The following FOXRED2 variants were observed in gnomAD, a reference collection of about 807,000 sequenced individuals.
FOXRED2 encodes the protein FAD-dependent oxidoreductase domain-containing protein 2.
A neutral mutation model predicts 52.5 loss-of-function variants in FOXRED2; 32 were observed. The observed-to-expected ratio is 0.61, with a 90% CI of 0.46 to 0.82. The LOEUF (loss-of-function observed/expected upper bound fraction) is 0.82. FOXRED2 is among the 40% of genes least tolerant of loss of function. The probability of loss-of-function intolerance (pLI) is 0.00; values close to 1 mark genes in which losing one functional copy is unlikely to be tolerated. For missense variants in FOXRED2, 848 were observed against 937.5 expected (o/e 0.90, Z 1.25); for synonymous variants, 405 against 398.1 (o/e 1.02, Z -0.21).
intron 2 of FOXRED2, 62 bp downstream of exon 2, chr22:36,505,834 G>A: frequency 6.5e-7 from 1 of 1,541,474 alleles, no homozygotes; most frequent in Non-Finnish European, 8.9e-7. Context: ...GGCCAATCAA[G>A]GTGTGTGGTT....
chr22:36,498,748 T>C (rs981407220), intron 5 of FOXRED2, among the ~76,000 whole-genome samples: 2 of 152,140 alleles, frequency 1.3e-5, no homozygotes, highest in African/African-American at 4.8e-5. Context: ...TCTCGCTCTG[T>C]TGCCCAGGCT....
intron 8 of FOXRED2, among the ~76,000 whole-genome samples, chr22:36,492,188 C>G (rs1933774230): frequency 6.6e-6 from 1 of 152,186 alleles, no homozygotes; most frequent in Non-Finnish European, 1.5e-5. Flanking sequence ...AGCGGGAAGA[C>G]TGGGAGGGCA....
At chr22:36,495,500 G>A (rs1933872746) in intron 7 of FOXRED2, among the ~76,000 whole-genome samples, 1 of 152,220 alleles carries the variant, frequency 6.6e-6, no homozygotes, top group Admixed American at 6.5e-5. Context: ...CTACAAGAAA[G>A]GTACTGTTGT....
At chr22:36,493,186 T>C (rs1327334009) in intron 8 of FOXRED2, among the ~76,000 whole-genome samples, 2 of 152,222 alleles carry the variant, frequency 1.3e-5, no homozygotes, top group African/African-American at 4.8e-5. Flanking sequence ...CTCACACTTG[T>C]AATCCCAACA....
Position 36,505,879 on chromosome 22 carries a change from T to C in FOXRED2, c.527+17A>G. The C allele has an allele frequency of 6.2e-7, 1 of 1,600,874 alleles. No homozygotes were observed. The highest frequency in any genetic ancestry group is 1.3e-5 in the African/African-American group (1 of 74,712). ...AAGGTCCCAGCTTCCGCAGGTGAGC[T>C]CTGGCACCGGCCTTACCTGCACTGA... On this transcript the variant is annotated intron_variant, in intron 2 of 8. Coordinates refer to ENST00000397224, the MANE Select transcript of FOXRED2 (RefSeq NM_001102371.2).
At chr22:36,496,434 G>C (rs62229992) in intron 6 of FOXRED2, among the ~76,000 whole-genome samples, 14,544 of 152,252 alleles carry the variant, frequency 0.096, 745 homozygotes, top group East Asian at 0.11. Flanking sequence ...TGGGGAAAGA[G>C]TGTCCCAGGC....
intron 4 of FOXRED2, among the ~76,000 whole-genome samples, chr22:36,501,760 C>G (rs981130344): frequency 6.6e-6 from 1 of 152,164 alleles, no homozygotes; most frequent in African/African-American, 2.4e-5. Context: ...TGCACCCAGC[C>G]AGGAGGCACT....
chr22:36,498,429 C>T, intron 5 of FOXRED2: 1 of 392,550 alleles, frequency 2.5e-6, no homozygotes, highest in Non-Finnish European at 4.6e-6. Flanking sequence ...CAATTCTGCC[C>T]CTAGTGTAAA....
At chr22:36,506,822 G>T in intron 1 of FOXRED2, 187 bp downstream of exon 1, 1 of 173,276 alleles carries the variant, frequency 5.8e-6, no homozygotes, top group Non-Finnish European at 1.2e-5. Context: ...GTGGGAGCCT[G>T]AAGTGGGTGT....
Position 36,504,112 on chromosome 22 carries a change from G to A in FOXRED2, c.1035C>T (p.Phe345=), listed in dbSNP as rs1228191996. 2 of 1,613,988 alleles carry A rather than the reference G, an allele frequency of 1.2e-6. No homozygotes were observed. The highest frequency in any genetic ancestry group is 2.7e-5 in the African/African-American group (2 of 74,940). ...ATGGAACTCACTTATTGAAAATGGA[G>A]AAGTCAAAGTTCCAGCCCAGGCAGC... ...VIRCLGWNFD[F]SIFNKSLRLN... The change falls in exon 4 of 9, where the codon TTC becomes TTT. Residue 345 remains phenylalanine (F), a synonymous_variant. Coordinates refer to ENST00000397224, the MANE Select transcript of FOXRED2 (RefSeq NM_001102371.2).
At chr22:36,495,463 C>T (rs1249228943) in intron 7 of FOXRED2, among the ~76,000 whole-genome samples, 2 of 152,210 alleles carry the variant, frequency 1.3e-5, no homozygotes, top group Non-Finnish European at 2.9e-5. Context: ...ATTCTGTGTA[C>T]ACTGTCAGGT....
At chr22:36,501,195 G>C (rs764790102) in intron 5 of FOXRED2, 46 bp downstream of exon 5, 7 of 1,595,358 alleles carry the variant, frequency 4.4e-6, no homozygotes, top group Non-Finnish European at 6.0e-6. Context: ...GGGATGCTGA[G>C]AGTGGTTCCG....
At chr22:36,498,746 T>C (rs527407798) in intron 5 of FOXRED2, among the ~76,000 whole-genome samples, 1 of 152,164 alleles carries the variant, frequency 6.6e-6, no homozygotes, top group Non-Finnish European at 1.5e-5. Context: ...GGTCTCGCTC[T>C]GTTGCCCAGG....
At position 36,491,023 on chromosome 22, in the gene FOXRED2, G is replaced by A. The variant is rs190260260; in HGVS notation, c.1796-756C>T. Among the ~76,000 whole-genome samples, 276 of 152,230 alleles carry A rather than the reference G, an allele frequency of 1.8e-3. 2 individuals are homozygous for A. Among genetic ancestry groups the A allele is most frequent in the Non-Finnish European group, 3.2e-3 (220 of 68,020 alleles). ...GTAAAAATACAAAAATTAGCCAGGC[G>A]TAGTGACAAACACCTGTAATCCCAG... On this transcript the variant is annotated intron_variant, in intron 8 of 8. Transcript: ENST00000397224.
chr22:36,488,208 T>C lies in FOXRED2; in HGVS notation c.*1800A>G, dbSNP rs185548745. 6.6e-6 allele frequency: 1 copy of C among 152,254 alleles called. No homozygotes were observed. The highest frequency in any genetic ancestry group is 2.4e-5 in the African/African-American group (1 of 41,558). The allele number at this position is 152,254 out of a possible 1,614,324, so 9.4% of individuals were successfully genotyped here. A position where few individuals can be genotyped will look rare whatever the true frequency, so the allele number is the denominator to read the frequency against. ...GGGTTCTTGGAATTCTTTTTCTCTTTTCACTTTTGTTGTAGCATACTTTGT... is the reference window on the plus strand; with the variant it reads ...GGGTTCTTGGAATTCTTTTTCTCTTCTCACTTTTGTTGTAGCATACTTTGT... On this transcript the variant is annotated 3_prime_UTR_variant, in exon 9 of 9. Coordinates refer to ENST00000397224, the MANE Select transcript of FOXRED2 (RefSeq NM_001102371.2).
In FOXRED2 at chr22:36,506,298, C is replaced by T; in HGVS notation, c.125G>A (p.Gly42Asp). ...DYCVLGAGPA[G>D]LQMAYFLQRA... ...CTGCAGGAAGTAGGCCATCTGCAGG[C>T]CCGCGGGCCCAGCGCCCAGCACGCA... Residue 42 changes from glycine to aspartate, a missense_variant, in exon 2 of 9, where the codon GGC (glycine) becomes GAC (aspartate). Gly to Asp is a moderately conservative substitution (Grantham distance 94). Transcript: ENST00000397224. The T allele has an allele frequency of 1.9e-6, 3 of 1,577,822 alleles. No individual in the cohort carries two copies. Among genetic ancestry groups the T allele is most frequent in the Non-Finnish European group, 2.6e-6 (3 of 1,163,874 alleles).
chr22:36,504,043 G>A, intron 4 of FOXRED2, 55 bp downstream of exon 4: 1 of 1,568,134 alleles, frequency 6.4e-7, no homozygotes, highest in Non-Finnish European at 8.7e-7. Context: ...GTTCCCCTAG[G>A]GAGGGGTCAG....
chr22:36,499,366 A>G (rs1251096274), intron 5 of FOXRED2, among the ~76,000 whole-genome samples: 2 of 152,270 alleles, frequency 1.3e-5, no homozygotes, highest in Non-Finnish European at 2.9e-5. Context: ...CTGTAATCCC[A>G]ACACTTTGGG....
intron 8 of FOXRED2, among the ~76,000 whole-genome samples, chr22:36,493,425 C>T (rs1211563387): frequency 2.1e-5 from 3 of 145,094 alleles, no homozygotes; most frequent in Admixed American, 6.8e-5. Flanking sequence ...GGCAACAGAG[C>T]GAGACTCCAT....
Sources: allele counts gnomAD v4.1 joint callset (sites outside exome capture counted in the v4.1 genomes callset), GRCh38; gene constraint gnomAD v4.1.1; transcripts MANE v1.5; gene names NCBI Gene and HGNC (gene_info 2026-07-23, HGNC 2026-07-21).